Variants in EHF observed in about 807,000 individuals in gnomAD.
The protein encoded by EHF is ETS homologous factor, also known as ESE3 transcription factor.
A neutral mutation model predicts 45.1 loss-of-function variants in EHF; 14 were observed. The ratio of observed to expected loss-of-function variants is 0.31; its 90% CI spans 0.21 to 0.49. The LOEUF (loss-of-function observed/expected upper bound fraction) is 0.49, where lower values mean the gene tolerates loss of function less well. Ranked by LOEUF, EHF falls within the 20% of genes least tolerant of loss-of-function variation. The pLI, the probability that EHF is intolerant of heterozygous loss-of-function variation, is 0.99. For missense variants in EHF, 282 were observed against 371.4 expected, an observed-to-expected ratio of 0.76 and a Z score of 1.98; for synonymous variants, 136 against 131.8, an observed-to-expected ratio of 1.03 and a Z score of -0.22.
intron 3 of EHF, among the ~76,000 whole-genome samples, chr11:34,648,536 A>C (rs1357381996): frequency 6.6e-6 from 1 of 152,216 alleles, no homozygotes; most frequent in African/African-American, 2.4e-5. Flanking sequence ...GGCATTGATT[A>C]GATTTTAAAT....
At chr11:34,648,963 A>G in intron 3 of EHF, 56 bp from the exon 4 acceptor site, 3 of 1,529,374 alleles carry the variant, frequency 2.0e-6, no homozygotes, top group Non-Finnish European at 2.7e-6. Flanking sequence ...TTATTTAAGC[A>G]TCCAGTTCTG....
At chr11:34,633,878 C>T (rs560667683) in intron 1 of EHF, among the ~76,000 whole-genome samples, 1 of 152,258 alleles carries the variant, frequency 6.6e-6, no homozygotes, top group South Asian at 2.1e-4. Context: ...TGATAAAGAT[C>T]AGCATACTAT....
At chr11:34,639,127 C>T (rs1429342315) in intron 1 of EHF, among the ~76,000 whole-genome samples, 4 of 152,166 alleles carry the variant, frequency 2.6e-5, no homozygotes, top group Non-Finnish European at 5.9e-5. Context: ...AATGGAGGCT[C>T]AGAAAGGTTA....
At chr11:34,645,801 G>A (rs191501355) in intron 2 of EHF, among the ~76,000 whole-genome samples, 49 of 152,276 alleles carry the variant, frequency 3.2e-4, no homozygotes, top group African/African-American at 1.2e-3. Context: ...TCAATGCCTA[G>A]CTAGGCAGCT....
At chr11:34,647,264 T>C (rs1228766121) in intron 3 of EHF, among the ~76,000 whole-genome samples, 1 of 152,152 alleles carries the variant, frequency 6.6e-6, no homozygotes, top group East Asian at 1.9e-4. Context: ...TTAGAACATA[T>C]GGTCTAGACA....
chr11:34,625,421 A>T (rs1490965743), intron 1 of EHF, among the ~76,000 whole-genome samples: 1 of 152,152 alleles, frequency 6.6e-6, no homozygotes, highest in Non-Finnish European at 1.5e-5. Flanking sequence ...ACATTTAGGC[A>T]CTCGTGGTGT....
chr11:34,637,389 T>G (rs1338213619), intron 1 of EHF, among the ~76,000 whole-genome samples: 2 of 152,186 alleles, frequency 1.3e-5, no homozygotes, highest in Non-Finnish European at 2.9e-5. Flanking sequence ...TCCAAGTGCT[T>G]GGCAACTCAG....
In EHF at chr11:34,642,642, A is replaced by G; in HGVS notation, c.12A>G (p.Glu4=). 6.2e-7 allele frequency: 1 copy of G among 1,613,550 alleles called. No individual in the cohort carries two copies. The highest frequency in any genetic ancestry group is 1.1e-5 in the South Asian group (1 of 91,056). MIL[E]GGGVMNLNPG... is the part of the protein sequence containing the mutation. ...TCCCCTAACAGATCATGATTCTGGA[A>G]GGAGGTGGTGTAATGAATCTCAACC... The change falls in exon 2 of 9, where the codon GAA becomes GAG. Residue 4 remains glutamate, a synonymous_variant. Transcript: ENST00000257831.
intron 1 of EHF, among the ~76,000 whole-genome samples, chr11:34,641,440 C>T (rs778742915): frequency 2.5e-4 from 38 of 152,176 alleles, no homozygotes; most frequent in Non-Finnish European, 4.6e-4. Flanking sequence ...ACAAGAGGAG[C>T]CGTAGCTAAA....
chr11:34,642,966 G>T (rs1237643319), intron 2 of EHF, among the ~76,000 whole-genome samples: 2 of 152,104 alleles, frequency 1.3e-5, no homozygotes, highest in Non-Finnish European at 2.9e-5. Context: ...TGACAGCCTG[G>T]CAGTGAAGGG....
intron 3 of EHF, 118 bp from the exon 4 acceptor site, chr11:34,648,901 G>A: frequency 1.1e-6 from 1 of 943,292 alleles, no homozygotes; most frequent in Non-Finnish European, 1.6e-6. Context: ...AACAAACATA[G>A]GTGACCAGGC....
At chr11:34,658,099 G>T (rs753224705) in intron 7 of EHF, among the ~76,000 whole-genome samples, 52 of 152,148 alleles carry the variant, frequency 3.4e-4, no homozygotes, top group Non-Finnish European at 6.0e-4. Flanking sequence ...CACAGTTGCT[G>T]GGTCAAAGCA....
chr11:34,637,976 G>C (rs887683844), intron 1 of EHF, among the ~76,000 whole-genome samples: 1 of 149,984 alleles, frequency 6.7e-6, no homozygotes, highest in African/African-American at 2.5e-5. Context: ...AGCTCGGCTC[G>C]CTGCAACCTC....
At position 34,661,660 on chromosome 11, in the gene EHF, A is replaced by G. The variant is rs896586769; in HGVS notation, c.*2729A>G. Among the ~76,000 whole-genome samples the G allele has an allele frequency of 2.0e-5, 3 of 152,152 alleles. No individual in the cohort carries two copies. Among genetic ancestry groups the G allele is most frequent in the African/African-American group, 4.8e-5 (2 of 41,436 alleles). The stretch of plus-strand genomic sequence containing the variant: ...TTGGAGAACTTAAAGTAATCGAGCT[A>G]TGCCAACTTGGGGTGGTAACAGAGT... On this transcript the variant is annotated 3_prime_UTR_variant, in exon 9 of 9. Coordinates refer to ENST00000257831, the MANE Select transcript of EHF (RefSeq NM_012153.6).
chr11:34,642,850 A>G, intron 2 of EHF, 123 bp downstream of exon 2: 1 of 736,390 alleles, frequency 1.4e-6, no homozygotes, highest in Non-Finnish European at 2.3e-6. Context: ...GACAAGAAGG[A>G]ATGGAGAAAA....
At chr11:34,638,624 C>T (rs924412631) in intron 1 of EHF, among the ~76,000 whole-genome samples, 14 of 152,112 alleles carry the variant, frequency 9.2e-5, no homozygotes, top group African/African-American at 3.4e-4. Flanking sequence ...GTGCTGCTGG[C>T]ATCTAGAGGG....
At chr11:34,634,862 A>T (rs1227514452) in intron 1 of EHF, among the ~76,000 whole-genome samples, 1 of 152,186 alleles carries the variant, frequency 6.6e-6, no homozygotes, top group Non-Finnish European at 1.5e-5. Flanking sequence ...AGTGAGAATG[A>T]GTCTTCTCTG....
intron 1 of EHF, among the ~76,000 whole-genome samples, chr11:34,635,494 C>T (rs963141056): frequency 9.1e-6 from 1 of 109,654 alleles, no homozygotes; most frequent in Non-Finnish European, 2.1e-5. Context: ...TCTTTTTGCC[C>T]AGGCTGGAGT....
intron 1 of EHF, among the ~76,000 whole-genome samples, chr11:34,623,126 C>T (rs1441974707): frequency 1.3e-5 from 2 of 152,050 alleles, no homozygotes; most frequent in Non-Finnish European, 2.9e-5. Flanking sequence ...GTCTCCGTCG[C>T]CCAGCCTGGA....
Sources: allele counts gnomAD v4.1 joint callset (sites outside exome capture counted in the v4.1 genomes callset), GRCh38; gene constraint gnomAD v4.1.1; transcripts MANE v1.5; gene names NCBI Gene and HGNC (gene_info 2026-07-23, HGNC 2026-07-21).